The following AAMDC variants were observed in gnomAD, a reference collection of about 807,000 sequenced individuals.
AAMDC encodes the protein adipogenesis associated Mth938 domain containing.
Under a neutral mutation model 15.5 loss-of-function variants are expected in AAMDC, and 16 were observed. That is an observed-to-expected ratio of 1.03 (90% confidence interval 0.70 to 1.57). The LOEUF is 1.57. Among genes scored for constraint, AAMDC ranks in the 40% most tolerant of loss-of-function variants. AAMDC has a pLI of 0.00. For missense variants in AAMDC, 141 were observed against 144.9 expected (o/e 0.97, Z 0.14); for synonymous variants, 51 against 51.6 (o/e 0.99, Z 0.05).
intron 5 of AAMDC, chr11:77,891,820 G>A: frequency 1.2e-6 from 2 of 1,611,448 alleles, no homozygotes; most frequent in Non-Finnish European, 1.7e-6. Context: ...CTGCAAGTGG[G>A]GCAAATCAGC....
At chr11:77,867,859 A>G (rs1351533790) in intron 2 of AAMDC, among the ~76,000 whole-genome samples, 1 of 152,216 alleles carries the variant, frequency 6.6e-6, no homozygotes, top group Non-Finnish European at 1.5e-5. Flanking sequence ...TAAAGCATAA[A>G]AAGAAGTTTC....
intron 5 of AAMDC, among the ~76,000 whole-genome samples, chr11:77,889,771 C>T (rs1379163361): frequency 2.0e-5 from 3 of 152,112 alleles, no homozygotes; most frequent in Non-Finnish European, 4.4e-5. Context: ...ACCTGTCCCA[C>T]GATGGGGCAG....
chr11:77,847,040 T>A (rs1158765022), intron 2 of AAMDC, among the ~76,000 whole-genome samples: 2 of 152,158 alleles, frequency 1.3e-5, no homozygotes, highest in African/African-American at 4.8e-5. Context: ...TATGAGCAGG[T>A]TTATGGTTAT....
intron 2 of AAMDC, among the ~76,000 whole-genome samples, chr11:77,852,089 AG>A (rs1394383794): frequency 1.3e-5 from 2 of 151,866 alleles, no homozygotes; most frequent in African/African-American, 4.8e-5. Context: ...AGTTGTGGGC[AG>A]CCATAGTGGC....
chr11:77,873,664 T>G (rs1951517763), downstream of AAMDC, among the ~76,000 whole-genome samples: 3 of 152,176 alleles, frequency 2.0e-5, no homozygotes. Context: ...AATGTTAATA[T>G]TATAATAGTT....
At chr11:77,886,405 G>A (rs1426410719) in intron 5 of AAMDC, among the ~76,000 whole-genome samples, 1 of 152,206 alleles carries the variant, frequency 6.6e-6, no homozygotes, top group African/African-American at 2.4e-5. Context: ...CAGTAACCTA[G>A]ATTAGGCTTA....
chr11:77,886,167 G>A (rs1951996952), intron 5 of AAMDC, among the ~76,000 whole-genome samples: 1 of 152,000 alleles, frequency 6.6e-6, no homozygotes, highest in Admixed American at 6.6e-5. Context: ...CCATGCCACT[G>A]CACTCCAGCC....
At chr11:77,855,068 T>A (rs570400390) in intron 2 of AAMDC, among the ~76,000 whole-genome samples, 12 of 152,122 alleles carry the variant, frequency 7.9e-5, no homozygotes, top group Non-Finnish European at 1.6e-4. Flanking sequence ...TAACCATAGC[T>A]AGAGCTGGAG....
intron 2 of AAMDC, among the ~76,000 whole-genome samples, chr11:77,851,834 T>C (rs1950397441): frequency 6.6e-6 from 1 of 152,144 alleles, no homozygotes; most frequent in South Asian, 2.1e-4. Context: ...TAAACCTCTT[T>C]TGTTTATAAA....
At chr11:77,900,554 T>TC (rs1952746539) in intron 5 of AAMDC, 1 of 652,848 alleles carries the variant, frequency 1.5e-6, no homozygotes, top group African/African-American at 1.8e-5. Context: ...TATGGCACTT[T>TC]TTTTTTTTTG....
intron 2 of AAMDC, among the ~76,000 whole-genome samples, chr11:77,854,708 C>T (rs1950540568): frequency 1.3e-5 from 2 of 152,174 alleles, no homozygotes; most frequent in South Asian, 4.1e-4. Context: ...TTTCCAGGTG[C>T]ATGGTGCAAG....
At chr11:77,851,201 C>T (rs2136191404) in intron 2 of AAMDC, among the ~76,000 whole-genome samples, 1 of 152,240 alleles carries the variant, frequency 6.6e-6, no homozygotes, top group Admixed American at 6.5e-5. Flanking sequence ...GATCCACCTG[C>T]CTCGGCCTCC....
At chr11:77,850,205 A>T (rs1015325248) in intron 2 of AAMDC, among the ~76,000 whole-genome samples, 7 of 152,232 alleles carry the variant, frequency 4.6e-5, no homozygotes, top group Admixed American at 1.3e-4. Context: ...TAGTGATTAC[A>T]GAATGGAAAC....
chr11:77,894,184 A>G, intron 5 of AAMDC: 2 of 619,908 alleles, frequency 3.2e-6, no homozygotes, highest in South Asian at 2.0e-5. Flanking sequence ...GCTTGGCTGC[A>G]CAAGCTAAAC....
intron 1 of AAMDC, among the ~76,000 whole-genome samples, chr11:77,834,980 T>C (rs1409639949): frequency 6.6e-6 from 1 of 152,128 alleles, no homozygotes; most frequent in East Asian, 1.9e-4. Flanking sequence ...ATCCATATTT[T>C]TATAAAAAAA....
intron 1 of AAMDC, 141 bp from the exon 2 acceptor site, chr11:77,842,338 C>A: frequency 1.3e-6 from 1 of 759,474 alleles, no homozygotes; most frequent in Non-Finnish European, 2.0e-6. Context: ...ACTTTTTAGA[C>A]CTCTAAAGAA....
intron 1 of AAMDC, among the ~76,000 whole-genome samples, chr11:77,828,440 G>C (rs2136053730): frequency 6.6e-6 from 1 of 152,224 alleles, no homozygotes; most frequent in African/African-American, 2.4e-5. Context: ...GGCCGAGGCA[G>C]ATGGATCACA....
chr11:77,881,609 A>G (rs1565219715), intron 5 of AAMDC, among the ~76,000 whole-genome samples: 1 of 152,242 alleles, frequency 6.6e-6, no homozygotes. Flanking sequence ...TCTAAAGATT[A>G]AATGAATTTT....
At chr11:77,900,900 C>A, downstream of AAMDC, 2 of 439,582 alleles carry the variant, frequency 4.5e-6, no homozygotes, top group Non-Finnish European at 8.1e-6. Context: ...ATAGAAATGC[C>A]ATGAGGTAGA....
Sources: allele counts gnomAD v4.1 joint callset (sites outside exome capture counted in the v4.1 genomes callset), GRCh38; gene constraint gnomAD v4.1.1; transcripts MANE v1.5; gene names NCBI Gene and HGNC (gene_info 2026-07-23, HGNC 2026-07-21).